NKTR: variants seen among roughly 807,000 people sequenced by gnomAD.
The protein encoded by NKTR is NK-tumor recognition protein.
NKTR carries 67 observed loss-of-function variants against 156.3 expected under a neutral mutation model. That is an observed-to-expected ratio of 0.43 (90% CI 0.35 to 0.53). The LOEUF (loss-of-function observed/expected upper bound fraction) is 0.53. Among genes scored for constraint, NKTR ranks in the 20% least tolerant of loss-of-function variants. The pLI is 0.01. For synonymous variants in NKTR, 640 were observed against 596.6 expected (o/e 1.07, Z -1.06); for missense variants, 1,604 against 1,730.9 (o/e 0.93, Z 1.30).
chr3:42,634,404 A>G (rs796771036), intron 10 of NKTR, among the ~76,000 whole-genome samples: 8 of 152,348 alleles, frequency 5.3e-5, no homozygotes, highest in African/African-American at 1.9e-4. Flanking sequence ...TGAAAAGTAT[A>G]AGAGTCCTTA....
At chr3:42,603,302 A>G (rs1027746148) in intron 2 of NKTR, among the ~76,000 whole-genome samples, 26 of 149,688 alleles carry the variant, frequency 1.7e-4, no homozygotes, top group Admixed American at 1.7e-3. Flanking sequence ...TAAGGCTGCC[A>G]TGAGCTATGA....
rs1710472302 is a variant in NKTR at position 42,648,164 on chromosome 3, G to T, written c.*2189G>T. On this transcript the variant is annotated 3_prime_UTR_variant, in exon 17 of 17. Transcript: ENST00000232978. ...TCTCTCCCGTCCTCCTGTTTTAGGG[G>T]CATATGATTAGCTCAAGCCCACAGA... is the stretch of plus-strand genomic sequence containing the variant. 1 of 152,142 alleles carries T rather than the reference G, an allele frequency of 6.6e-6. No homozygotes were observed. Among genetic ancestry groups the T allele is most frequent in the African/African-American group, 2.4e-5 (1 of 41,410 alleles). 9.4% of individuals were successfully genotyped at this position (152,142 alleles called of 1,614,324 possible). A position where few individuals can be genotyped will look rare whatever the true frequency, so the allele number is the denominator to read the frequency against.
chr3:42,642,173 A>G (rs1382800362), intron 13 of NKTR, among the ~76,000 whole-genome samples: 2 of 152,136 alleles, frequency 1.3e-5, no homozygotes, highest in Non-Finnish European at 2.9e-5. Context: ...TTCGTTATAT[A>G]TCTCTACCTT....
intron 6 of NKTR, among the ~76,000 whole-genome samples, chr3:42,626,125 T>C (rs1210620066): frequency 6.6e-6 from 1 of 152,058 alleles, no homozygotes; most frequent in Non-Finnish European, 1.5e-5. Context: ...AGAAGTTATC[T>C]TTATTTCCCT....
chr3:42,616,742 A>G (rs1577464527), intron 2 of NKTR, among the ~76,000 whole-genome samples: 1 of 151,896 alleles, frequency 6.6e-6, no homozygotes, highest in Non-Finnish European at 1.5e-5. Context: ...CTCTCAGGGG[A>G]TAGGATGGGG....
At chr3:42,633,843 A>G (rs2125810600) in intron 10 of NKTR, 108 bp downstream of exon 10, 1 of 1,227,602 alleles carries the variant, frequency 8.1e-7, no homozygotes, top group East Asian at 2.3e-5. Context: ...TTTGAAGCAC[A>G]TTGAAAGATA....
chr3:42,609,448 C>T (rs1012948101), intron 2 of NKTR, among the ~76,000 whole-genome samples: 4 of 152,072 alleles, frequency 2.6e-5, no homozygotes, highest in African/African-American at 9.7e-5. Context: ...TCAGTTTGTT[C>T]CAGAAGATTG....
Position 42,632,805 on chromosome 3 carries a change from A to G in NKTR, c.755A>G (p.His252Arg), listed in dbSNP as rs781550532. The G allele has an allele frequency of 1.3e-6, 2 of 1,599,080 alleles. No homozygotes were observed. The highest frequency in any genetic ancestry group is 1.3e-5 in the African/African-American group (1 of 74,236). ...AGTTCAGAAGAGCCAAGGAATAAAC[A>G]TGCAATGAACCCAAAAGGGTACGTG... ...ASSSEEPRNKHAMNPKGHSER... is the reference protein window; with the variant it reads ...ASSSEEPRNKRAMNPKGHSER... The change falls in exon 9 of 17, where the codon CAT becomes CGT. Residue 252 changes from histidine to arginine, a missense_variant. By Grantham distance (29) the His-to-Arg change is conservative (BLOSUM62 0). This residue lies in a region of NKTR where 1,255 missense variants were observed against 1,243.7 expected (regional missense o/e 1.01). Transcript: ENST00000232978.
chr3:42,601,442 G>C (rs1426777836), intron 2 of NKTR: 1 of 165,332 alleles, frequency 6.0e-6, no homozygotes, highest in African/African-American at 2.4e-5. Flanking sequence ...TCAACTAGTA[G>C]GAAATATTGT....
chr3:42,608,069 A>T (rs1383558376), intron 2 of NKTR, among the ~76,000 whole-genome samples: 3 of 135,218 alleles, frequency 2.2e-5, no homozygotes, highest in Non-Finnish European at 4.6e-5. Flanking sequence ...AGCTCACTGC[A>T]ACCTCCGCCT....
In NKTR at chr3:42,619,075, G is replaced by A. The variant is rs73085303; in HGVS notation, c.189G>A (p.Thr63=). ...AGAAGTTATGTTATAAAGGTTCTAC[G>A]TTCCATCGTGTGGTTAAAAACTTTA... ...TGKKLCYKGS[T]FHRVVKNFMI... Residue 63 remains threonine, a synonymous_variant, in exon 4 of 17, where the codon ACG becomes ACA. Transcript: ENST00000232978. 0.03 allele frequency: 47,849 copies of A among 1,606,682 alleles called. 869 individuals are homozygous for A. Among genetic ancestry groups the A allele is most frequent in the Middle Eastern group, 0.063 (378 of 6,030 alleles).
rs1474276931 is a variant in NKTR, at chr3:42,631,236, A to G, written c.470A>G (p.Lys157Arg). 2 of 1,614,104 alleles carry G rather than the reference A, an allele frequency of 1.2e-6. No individual in the cohort carries two copies. Among genetic ancestry groups the G allele is most frequent in the South Asian group, 2.2e-5 (2 of 91,080 alleles). Residue 157 changes from lysine (K) to arginine (R), a missense_variant, in exon 8 of 17, where the codon AAG (lysine) becomes AGG (arginine). Physicochemically the swap from Lys to Arg is conservative, Grantham distance 26 (BLOSUM62 2). Around this residue, in one of 6 missense-constraint regions of NKTR, gnomAD observed 61 missense variants for 113.3 expected, o/e 0.54. Coordinates refer to ENST00000232978, the MANE Select transcript of NKTR (RefSeq NM_005385.4). ...GTAATCGAACAAATTGAAAATCTGA[A>G]GACCGATGCTGCAAGCAGACCATAT... ...FEVIEQIENL[K>R]TDAASRPYAD...
At chr3:42,600,828 C>G (rs1267319611) in intron 1 of NKTR, 50 bp downstream of exon 1, 1 of 423,652 alleles carries the variant, frequency 2.4e-6, no homozygotes, top group African/African-American at 2.1e-5. Context: ...CCGCGAGGCC[C>G]GGGGCGGGAG....
In NKTR at chr3:42,619,140, G is replaced by T; in HGVS notation, c.241+13G>T. The T allele has an allele frequency of 6.3e-7, 1 of 1,594,998 alleles. No homozygotes were observed. The highest frequency in any genetic ancestry group is 8.5e-7 in the Non-Finnish European group (1 of 1,174,264). On this transcript the variant is annotated intron_variant, in intron 4 of 16. Coordinates refer to ENST00000232978, the MANE Select transcript of NKTR (RefSeq NM_005385.4). ...GACTTCAGTGAAGGTAGAGCTAAAAGTTGTGTTCCTAATAACTCCATCTAT... is the reference window on the plus strand; with the variant it reads ...GACTTCAGTGAAGGTAGAGCTAAAATTTGTGTTCCTAATAACTCCATCTAT...
chr3:42,643,484 G>A (rs1162322157), intron 15 of NKTR, 89 bp downstream of exon 15: 5 of 1,030,764 alleles, frequency 4.9e-6, no homozygotes, highest in South Asian at 1.3e-5. Context: ...ATTTTATTGA[G>A]TAACTAAATG....
intron 2 of NKTR, among the ~76,000 whole-genome samples, chr3:42,603,450 A>G (rs1705824295): frequency 6.6e-6 from 1 of 152,004 alleles, no homozygotes. Context: ...GTAAATGTTC[A>G]GATCCTAGAT....
At chr3:42,627,310 A>G (rs949254835) in intron 6 of NKTR, 1 of 977,390 alleles carries the variant, frequency 1.0e-6, no homozygotes, top group African/African-American at 1.8e-5. Flanking sequence ...AAACATTTTA[A>G]GAAAAAAAAA....
chr3:42,637,102 A>G lies in NKTR; in HGVS notation c.1398A>G (p.Glu466=). 1 of 1,606,940 alleles carries G rather than the reference A, an allele frequency of 6.2e-7. No homozygotes were observed. Among genetic ancestry groups the G allele is most frequent in the Non-Finnish European group, 8.5e-7 (1 of 1,177,988 alleles). Residue 466 remains glutamate (E), a synonymous_variant, in exon 13 of 17, where the codon GAA becomes GAG. Transcript: ENST00000232978. ...KRRILIPSDI[E]SSKSSTRRMK... is the part of the protein sequence containing the mutation. Reference sequence around the variant, plus strand: ...GGATTCTTATACCGTCTGACATAGAATCCTCAAAATCTTCCACTCGAAGAA... The same window carrying G: ...GGATTCTTATACCGTCTGACATAGAGTCCTCAAAATCTTCCACTCGAAGAA...
At position 42,646,254 on chromosome 3, in the gene NKTR, G is replaced by A. The variant is rs569675256; in HGVS notation, c.*279G>A. ...CGTGAAATTTATCTATGTATAATTT[G>A]CAATATTATTTTAAGTCTATTTCAC... On this transcript the variant is annotated 3_prime_UTR_variant, in exon 17 of 17. Coordinates refer to ENST00000232978, the MANE Select transcript of NKTR (RefSeq NM_005385.4). 33 of 306,886 alleles carry A rather than the reference G, an allele frequency of 1.1e-4. No individual in the cohort carries two copies. Among genetic ancestry groups the A allele is most frequent in the South Asian group, 3.1e-4 (7 of 22,336 alleles). 19.0% of individuals were successfully genotyped at this position (306,886 alleles called of 1,614,324 possible).
Sources: gnomAD v4.1 joint callset for allele counts (sites outside exome capture counted in the v4.1 genomes callset) on GRCh38, gnomAD v4.1.1 for gene constraint, gnomAD v4.1.1 regional missense constraint, MANE v1.5 for transcripts, NCBI Gene and HGNC (gene_info 2026-07-23, HGNC 2026-07-21) for gene names.